KLF8: variants seen among roughly 807,000 people sequenced by gnomAD.
KLF8 encodes the protein KLF transcription factor 8.
KLF8 carries 10 observed loss-of-function variants against 18.2 expected under a neutral mutation model. The ratio of observed to expected loss-of-function variants is 0.55; its 90% CI spans 0.34 to 0.93. The LOEUF is 0.93. KLF8 is among the 40% of genes least tolerant of loss of function. The pLI, the probability that KLF8 is intolerant of heterozygous loss-of-function variation, is 0.02. For missense variants in KLF8, 264 were observed against 277.9 expected (o/e 0.95, Z 0.36); for synonymous variants, 109 against 97.3 (o/e 1.12, Z -0.71).
the KLF8 span, among the ~76,000 whole-genome samples, chrX:55,944,378 A>G: frequency 2.7e-5 from 3 of 109,591 alleles, no homozygotes; most frequent in African/African-American, 1.0e-4. Flanking sequence ...CTCTTTTTCT[A>G]TTGATTGGAA....
At chrX:56,087,600 A>G in the KLF8 span, among the ~76,000 whole-genome samples, 1 of 110,838 alleles carries the variant, frequency 9.0e-6, no homozygotes, top group Non-Finnish European at 1.9e-5. Context: ...TCTTTTCTTT[A>G]TAAATTATCC....
At chrX:55,927,330 C>T in the KLF8 span, among the ~76,000 whole-genome samples, 1 of 112,252 alleles carries the variant, frequency 8.9e-6, no homozygotes. Flanking sequence ...CTCTCTTTCT[C>T]TTCTATCATG....
At chrX:56,176,016 A>G in the KLF8 span, among the ~76,000 whole-genome samples, 1 of 111,719 alleles carries the variant, frequency 9.0e-6, no homozygotes, top group South Asian at 3.7e-4. Context: ...GTGTCTCCTG[A>G]GTACAGCACA....
chrX:56,014,013 A>T, the KLF8 span, among the ~76,000 whole-genome samples: 2 of 111,855 alleles, frequency 1.8e-5, no homozygotes, highest in East Asian at 5.5e-4. Context: ...TAAATGTAAA[A>T]CCTGAAACTA....
At chrX:55,933,956 A>G in the KLF8 span, among the ~76,000 whole-genome samples, 1 of 112,214 alleles carries the variant, frequency 8.9e-6, no homozygotes, top group Non-Finnish European at 1.9e-5. Context: ...GATAGGTCAT[A>G]GCTTTTATAA....
At chrX:56,012,071 G>T in the KLF8 span, among the ~76,000 whole-genome samples, 2 of 111,915 alleles carry the variant, frequency 1.8e-5, no homozygotes, top group Non-Finnish European at 3.8e-5. Context: ...TGAAAGAATT[G>T]AAAAGGAGTG....
chrX:56,066,018 G>A, the KLF8 span, among the ~76,000 whole-genome samples: 3 of 111,528 alleles, frequency 2.7e-5, no homozygotes, highest in Non-Finnish European at 5.7e-5. Flanking sequence ...AGCTTGCTCA[G>A]GTACAGGCAG....
chrX:55,942,033 C>G, the KLF8 span, among the ~76,000 whole-genome samples: 1 of 111,326 alleles, frequency 9.0e-6, no homozygotes, highest in Non-Finnish European at 1.9e-5. Context: ...ACCCAAAGGA[C>G]TATAAGTCAT....
At chrX:56,038,471 T>A in the KLF8 span, among the ~76,000 whole-genome samples, 1 of 112,173 alleles carries the variant, frequency 8.9e-6, no homozygotes, top group South Asian at 3.7e-4. Flanking sequence ...GAACATGCAC[T>A]GTTTTACTTT....
At chrX:56,122,529 G>GT in the KLF8 span, among the ~76,000 whole-genome samples, 2 of 110,610 alleles carry the variant, frequency 1.8e-5, no homozygotes, top group Non-Finnish European at 3.8e-5. Context: ...AGATGAAGGA[G>GT]TTTTTTCTGC....
chrX:55,982,716 C>T, the KLF8 span, among the ~76,000 whole-genome samples: 1 of 111,648 alleles, frequency 9.0e-6, no homozygotes, highest in Admixed American at 9.6e-5. Context: ...AATATTATCA[C>T]CCCCACAGAG....
the KLF8 span, among the ~76,000 whole-genome samples, chrX:56,075,507 G>T: frequency 9.0e-6 from 1 of 111,531 alleles, no homozygotes; most frequent in Non-Finnish European, 1.9e-5. Flanking sequence ...TTTATGCTTT[G>T]TGTTACAAAC....
At chrX:55,933,123 C>A in the KLF8 span, among the ~76,000 whole-genome samples, 1 of 110,778 alleles carries the variant, frequency 9.0e-6, no homozygotes, top group African/African-American at 3.3e-5. Flanking sequence ...TTTGTTTTAT[C>A]AGAGTTTTCT....
chrX:56,217,341 G>C, the KLF8 span, among the ~76,000 whole-genome samples: 1 of 111,404 alleles, frequency 9.0e-6, no homozygotes, highest in African/African-American at 3.3e-5. Flanking sequence ...ATTGCTTCAG[G>C]TTCCATCTAA....
chrX:56,218,647 C>T, the KLF8 span, among the ~76,000 whole-genome samples: 1 of 112,208 alleles, frequency 8.9e-6, no homozygotes, highest in East Asian at 2.8e-4. Context: ...TGCTATCTTG[C>T]TTTACAGTAA....
the KLF8 span, among the ~76,000 whole-genome samples, chrX:55,988,645 A>C: frequency 9.0e-6 from 1 of 111,640 alleles, no homozygotes; most frequent in Admixed American, 9.5e-5. Context: ...TGATGCCTCC[A>C]GCTTTGTTCT....
chrX:56,008,118 CTA>C, the KLF8 span, among the ~76,000 whole-genome samples: 3,441 of 98,986 alleles, frequency 0.035, 141 homozygotes, highest in African/African-American at 0.12. Context: ...TAGTGCAAAG[CTA>C]TATATATATA....
the KLF8 span, among the ~76,000 whole-genome samples, chrX:56,069,966 G>A: frequency 8.9e-6 from 1 of 112,669 alleles, no homozygotes; most frequent in Non-Finnish European, 1.9e-5. Context: ...GTTTATTGCA[G>A]CACTATTCAC....
the KLF8 span, among the ~76,000 whole-genome samples, chrX:55,920,531 G>C: frequency 9.0e-6 from 1 of 110,857 alleles, no homozygotes; most frequent in Admixed American, 9.6e-5. Flanking sequence ...CATGATACAG[G>C]ATAGGAAAGG....
Sources: allele counts gnomAD v4.1 joint callset (sites outside exome capture counted in the v4.1 genomes callset), GRCh38; gene constraint gnomAD v4.1.1; transcripts MANE v1.5; gene names NCBI Gene and HGNC (gene_info 2026-07-23, HGNC 2026-07-21).